Variants in KCTD1 observed in about 807,000 individuals in gnomAD.
KCTD1 encodes potassium channel tetramerization domain containing 1.
KCTD1 carries 24 observed loss-of-function variants against 66.0 expected under a neutral mutation model. The ratio of observed to expected loss-of-function variants is 0.36; its 90% confidence interval spans 0.26 to 0.51. The LOEUF (loss-of-function observed/expected upper bound fraction) is 0.51, where lower values mean the gene tolerates loss of function less well. Ranked by LOEUF, KCTD1 falls within the 20% of genes least tolerant of loss-of-function variation. KCTD1 has a pLI of 0.95. For missense variants in KCTD1, 943 were observed against 1,205.2 expected, an observed-to-expected ratio of 0.78 and a Z score of 3.22; for synonymous variants, 511 against 517.2, an observed-to-expected ratio of 0.99 and a Z score of 0.16.
chr18:26,521,364 C>T lies in KCTD1; in HGVS notation c.1810-20114G>A, dbSNP rs78734366. ...ATGGGCATATGCCAATATTCTTAAACGCTCTTTTGCAAAAGCTCAAAATCT... is the reference window on the plus strand; with the variant it reads ...ATGGGCATATGCCAATATTCTTAAATGCTCTTTTGCAAAAGCTCAAAATCT... On this transcript the variant is annotated intron_variant, in intron 1 of 4. Coordinates refer to ENST00000580059, the MANE Select transcript of KCTD1 (RefSeq NM_001142730.3). Among the ~76,000 whole-genome samples, 1,126 of 152,328 alleles carry T rather than the reference C, an allele frequency of 7.4e-3. 28 individuals carry two copies. Among genetic ancestry groups the T allele is most frequent in the East Asian group, 0.054 (277 of 5,176 alleles).
At position 26,481,132 on chromosome 18, in the gene KCTD1, C is replaced by T. The variant is rs568966159; in HGVS notation, c.1989-4473G>A. 3.9e-5 allele frequency among the ~76,000 whole-genome samples: 6 copies of T among 152,274 alleles called. No individual in the cohort carries two copies. The East Asian group carries it at 1.2e-3, about 29-fold the overall frequency. ...CTTTCCACCAGTATTAGTGGGGGCT[C>T]ACTATGCCAGATACAGGGGATGCAG... On this transcript the variant is annotated intron_variant, in intron 2 of 4. Coordinates refer to ENST00000580059, the MANE Select transcript of KCTD1 (RefSeq NM_001142730.3).
intron 1 of KCTD1, among the ~76,000 whole-genome samples, chr18:26,624,272 G>C (rs1185114257): frequency 6.6e-6 from 1 of 152,230 alleles, no homozygotes; most frequent in Non-Finnish European, 1.5e-5. Context: ...GTAATGAGGA[G>C]CCAAATGTTA....
chr18:26,578,057 C>CTT (rs11381611), intron 1 of KCTD1, among the ~76,000 whole-genome samples: 6,613 of 116,928 alleles, frequency 0.057, 297 homozygotes, highest in East Asian at 0.073. Flanking sequence ...TCTTTTCTTT[C>CTT]TTTTTTTTTT....
At chr18:26,489,437 T>G (rs940015322) in intron 2 of KCTD1, among the ~76,000 whole-genome samples, 1 of 152,174 alleles carries the variant, frequency 6.6e-6, no homozygotes, top group African/African-American at 2.4e-5. Flanking sequence ...GGGTTAGAGA[T>G]AGTGTTTCCC....
intron 1 of KCTD1, among the ~76,000 whole-genome samples, chr18:26,579,968 A>G (rs1986315691): frequency 6.6e-6 from 1 of 152,158 alleles, no homozygotes; most frequent in Non-Finnish European, 1.5e-5. Flanking sequence ...AGCAGTGTGG[A>G]GAAGTTGGCC....
At chr18:26,540,842 A>C (rs1395629987) in intron 1 of KCTD1, among the ~76,000 whole-genome samples, 1 of 152,178 alleles carries the variant, frequency 6.6e-6, no homozygotes, top group African/African-American at 2.4e-5. Flanking sequence ...TGAAGTTAAA[A>C]ATTTGTTAAA....
chr18:26,490,819 C>G (rs1982158151), intron 2 of KCTD1, among the ~76,000 whole-genome samples: 1 of 149,506 alleles, frequency 6.7e-6, no homozygotes, highest in African/African-American at 2.5e-5. Context: ...GTAGTGTGAT[C>G]TCGGCTCACT....
At chr18:26,570,190 A>AT (rs1986071356) in intron 1 of KCTD1, among the ~76,000 whole-genome samples, 1 of 134,458 alleles carries the variant, frequency 7.4e-6, no homozygotes, top group African/African-American at 2.6e-5. Flanking sequence ...CATCTAAAAA[A>AT]AATATATATA....
At chr18:26,515,812 A>G (rs2144733387) in intron 1 of KCTD1, among the ~76,000 whole-genome samples, 1 of 152,258 alleles carries the variant, frequency 6.6e-6, no homozygotes, top group Non-Finnish European at 1.5e-5. Context: ...AGCCAGCAGA[A>G]AACAGGCCTT....
intron 1 of KCTD1, among the ~76,000 whole-genome samples, chr18:26,598,695 G>A (rs916659686): frequency 6.6e-6 from 1 of 152,164 alleles, no homozygotes; most frequent in African/African-American, 2.4e-5. Context: ...GCTATCCTAA[G>A]TGGGTGTGAG....
At chr18:26,571,249 C>T (rs1372247366) in intron 1 of KCTD1, among the ~76,000 whole-genome samples, 2 of 152,162 alleles carry the variant, frequency 1.3e-5, no homozygotes, top group Admixed American at 6.5e-5. Flanking sequence ...ATTGAATGAA[C>T]GAATGGGTAA....
chr18:26,654,057 C>A (rs1465021260), intron 1 of KCTD1, among the ~76,000 whole-genome samples: 1 of 152,154 alleles, frequency 6.6e-6, no homozygotes, highest in African/African-American at 2.4e-5. Flanking sequence ...GGGAAAAGAC[C>A]TTAGCTAAAA....
intron 1 of KCTD1, among the ~76,000 whole-genome samples, chr18:26,627,168 C>A (rs1324298873): frequency 6.6e-6 from 1 of 151,880 alleles, no homozygotes; most frequent in Non-Finnish European, 1.5e-5. Context: ...AAAGTAGCTC[C>A]CATGTACTGT....
chr18:26,649,997 T>A (rs949309728), intron 1 of KCTD1, among the ~76,000 whole-genome samples: 2 of 152,222 alleles, frequency 1.3e-5, no homozygotes, highest in Non-Finnish European at 2.9e-5. Flanking sequence ...CAGAACCTAG[T>A]GGTGCATTTG....
upstream of KCTD1, among the ~76,000 whole-genome samples, chr18:26,631,706 G>C (rs56015609): frequency 0.056 from 8,573 of 152,106 alleles, 328 homozygotes; most frequent in Admixed American, 0.074. Context: ...CACTTACATA[G>C]AATAAAAATA....
At chr18:26,529,109 A>G (rs1254932930) in intron 1 of KCTD1, among the ~76,000 whole-genome samples, 1 of 152,102 alleles carries the variant, frequency 6.6e-6, no homozygotes, top group East Asian at 1.9e-4. Flanking sequence ...AAGCAGACCC[A>G]TCACAGCCTC....
chr18:26,533,983 A>C (rs762738938), intron 1 of KCTD1, among the ~76,000 whole-genome samples: 3 of 152,164 alleles, frequency 2.0e-5, no homozygotes, highest in Non-Finnish European at 4.4e-5. Flanking sequence ...AATATGGTTT[A>C]CTGGTATCGT....
At chr18:26,564,159 C>A (rs1245854306) in intron 1 of KCTD1, among the ~76,000 whole-genome samples, 1 of 152,080 alleles carries the variant, frequency 6.6e-6, no homozygotes, top group Non-Finnish European at 1.5e-5. Flanking sequence ...TGTATCCATT[C>A]ATTTTTTGCA....
chr18:26,527,327 A>T (rs1247319881), intron 1 of KCTD1, among the ~76,000 whole-genome samples: 1 of 152,148 alleles, frequency 6.6e-6, no homozygotes, highest in Non-Finnish European at 1.5e-5. Context: ...CAATTGAATG[A>T]CTTACTGCTT....
Sources: allele counts gnomAD v4.1 joint callset (sites outside exome capture counted in the v4.1 genomes callset), GRCh38; gene constraint gnomAD v4.1.1; transcripts MANE v1.5; gene names NCBI Gene and HGNC (gene_info 2026-07-23, HGNC 2026-07-21).